Variants in RGS6 observed in about 807,000 individuals in gnomAD.
RGS6 encodes regulator of G protein signaling 6, also known as regulator of G-protein signaling 6.
RGS6 carries 30 observed loss-of-function variants against 78.5 expected under a neutral mutation model. The observed-to-expected ratio is 0.38, with a 90% CI of 0.29 to 0.52. The LOEUF is 0.52. RGS6 is among the 20% of genes least tolerant of loss of function. The pLI is 0.85. For synonymous variants in RGS6, 206 were observed against 206.0 expected (o/e 1.00, Z 0.00); for missense variants, 495 against 609.7 (o/e 0.81, Z 1.98).
At chr14:72,268,973 G>A (rs938353600) in intron 2 of RGS6, among the ~76,000 whole-genome samples, 2 of 152,120 alleles carry the variant, frequency 1.3e-5, no homozygotes, top group Non-Finnish European at 1.5e-5. Flanking sequence ...TCTTTCTTCC[G>A]CCTTTTCCAT....
chr14:72,161,675 T>G (rs755204541), intron 2 of RGS6, among the ~76,000 whole-genome samples: 1 of 152,260 alleles, frequency 6.6e-6, no homozygotes, highest in Non-Finnish European at 1.5e-5. Context: ...AACGTAATTC[T>G]GGGCCCTCTT....
the RGS6 span, among the ~76,000 whole-genome samples, chr14:71,868,386 G>A: frequency 0.093 from 14,231 of 152,214 alleles, 1,478 homozygotes; most frequent in African/African-American, 0.25. Flanking sequence ...CTAGTGGGAA[G>A]AAGTATTAGA....
At chr14:72,561,645 TG>T (rs367635666) in intron 17 of RGS6, among the ~76,000 whole-genome samples, 80 of 152,346 alleles carry the variant, frequency 5.3e-4, no homozygotes, top group African/African-American at 1.8e-3. Context: ...GGCACCTCTA[TG>T]GCTGATGCAC....
the RGS6 span, among the ~76,000 whole-genome samples, chr14:72,605,757 C>A: frequency 6.6e-6 from 1 of 152,104 alleles, no homozygotes; most frequent in Non-Finnish European, 1.5e-5. Context: ...AGATCAGACC[C>A]CCTTGGCAAA....
intron 2 of RGS6, among the ~76,000 whole-genome samples, chr14:72,040,985 T>G (rs2332710): frequency 0.12 from 17,688 of 152,194 alleles, 1,032 homozygotes; most frequent in East Asian, 0.17. Context: ...GTTTATTTTT[T>G]ATTGCTGGTT....
In RGS6 at chr14:72,540,192, T is replaced by C. The variant is rs956141345; in HGVS notation, c.1422+98T>C. 6 of 1,521,196 alleles carry C rather than the reference T, an allele frequency of 3.9e-6. No individual in the cohort carries two copies. In the African/African-American group the frequency reaches 8.4e-5, roughly 21 times the overall value. 94.2% of individuals were successfully genotyped at this position (1,521,196 alleles called of 1,614,324 possible). On this transcript the variant is annotated intron_variant, in intron 17 of 17. Transcript: ENST00000553525. ...TTTTTCCCTTTGGTTGTTGTTTCCT[T>C]TGGGGTGGGAGGGAGTCCAGTGCTT...
At chr14:72,286,436 G>C (rs1350427199) in intron 2 of RGS6, among the ~76,000 whole-genome samples, 1 of 152,074 alleles carries the variant, frequency 6.6e-6, no homozygotes, top group African/African-American at 2.4e-5. Flanking sequence ...TTGAAATCAG[G>C]AAGTGTGATG....
chr14:72,080,753 A>C (rs2094787083), intron 2 of RGS6, among the ~76,000 whole-genome samples: 1 of 152,138 alleles, frequency 6.6e-6, no homozygotes, highest in Admixed American at 6.5e-5. Flanking sequence ...CAGTTTTCCC[A>C]ACACCATTTA....
At chr14:72,084,593 T>A (rs2094950675) in intron 2 of RGS6, among the ~76,000 whole-genome samples, 1 of 152,182 alleles carries the variant, frequency 6.6e-6, no homozygotes, top group Admixed American at 6.5e-5. Flanking sequence ...AATAGATCCC[T>A]TTCTCCCTTC....
At chr14:71,993,543 CT>C (rs1354418581) in intron 2 of RGS6, among the ~76,000 whole-genome samples, 1 of 152,128 alleles carries the variant, frequency 6.6e-6, no homozygotes, top group Non-Finnish European at 1.5e-5. Context: ...GTTATCCTTA[CT>C]TTATACATAA....
At chr14:72,030,241 G>A (rs898469253) in intron 2 of RGS6, among the ~76,000 whole-genome samples, 1 of 152,124 alleles carries the variant, frequency 6.6e-6, no homozygotes, top group African/African-American at 2.4e-5. Context: ...TGGGATAAAA[G>A]CACTGCACAC....
At chr14:72,205,011 A>G (rs554903480) in intron 2 of RGS6, among the ~76,000 whole-genome samples, 5 of 152,348 alleles carry the variant, frequency 3.3e-5, no homozygotes, top group African/African-American at 1.2e-4. Flanking sequence ...AGCAGAGATC[A>G]CATCTTTAGA....
At chr14:72,429,658 T>G (rs982369634) in intron 3 of RGS6, among the ~76,000 whole-genome samples, 2 of 152,334 alleles carry the variant, frequency 1.3e-5, no homozygotes, top group South Asian at 2.1e-4. Context: ...TGTGCACAGG[T>G]GCCATAGGAT....
intron 2 of RGS6, among the ~76,000 whole-genome samples, chr14:72,127,353 T>C (rs940250618): frequency 6.6e-6 from 1 of 152,220 alleles, no homozygotes; most frequent in African/African-American, 2.4e-5. Flanking sequence ...CTGCACTAAA[T>C]CTTTGTCTCC....
chr14:72,092,455 C>T (rs2095298120), intron 2 of RGS6, among the ~76,000 whole-genome samples: 3 of 152,208 alleles, frequency 2.0e-5, no homozygotes, highest in African/African-American at 4.8e-5. Flanking sequence ...AATCTCAGCT[C>T]ACTGCAACCT....
chr14:72,050,654 G>T (rs1279475655), intron 2 of RGS6, among the ~76,000 whole-genome samples: 1 of 152,204 alleles, frequency 6.6e-6, no homozygotes, highest in Non-Finnish European at 1.5e-5. Context: ...TCTCAAAATT[G>T]TGTTCTCCTC....
At chr14:72,482,420 G>GT (rs1193945772) in intron 12 of RGS6, among the ~76,000 whole-genome samples, 1 of 152,124 alleles carries the variant, frequency 6.6e-6, no homozygotes, top group African/African-American at 2.4e-5. Context: ...CATACCATGT[G>GT]TATCAGTTAG....
chr14:71,917,423 C>T, the RGS6 span, among the ~76,000 whole-genome samples: 15 of 152,106 alleles, frequency 9.9e-5, no homozygotes, highest in African/African-American at 3.4e-4. Flanking sequence ...AGGTTTTTAC[C>T]ACAACTATTT....
At chr14:72,124,610 C>T (rs1007660220) in intron 2 of RGS6, among the ~76,000 whole-genome samples, 1 of 152,124 alleles carries the variant, frequency 6.6e-6, no homozygotes, top group Non-Finnish European at 1.5e-5. Context: ...TGTTGGCGAA[C>T]ACAATCTAGA....
Sources: allele counts gnomAD v4.1 joint callset (sites outside exome capture counted in the v4.1 genomes callset), GRCh38; gene constraint gnomAD v4.1.1; transcripts MANE v1.5; gene names NCBI Gene and HGNC (gene_info 2026-07-23, HGNC 2026-07-21).